CHERP: variants seen among roughly 807,000 people sequenced by gnomAD.
The protein encoded by CHERP is ERPROT 213-21.
In CHERP, 8 loss-of-function variants were observed where a neutral mutation model predicts 113.8. That is an observed-to-expected ratio of 0.07 (90% CI 0.04 to 0.13). The LOEUF (loss-of-function observed/expected upper bound fraction) is 0.13. Ranked by LOEUF, CHERP falls within the 10% of genes least tolerant of loss-of-function variation. The pLI, the probability that CHERP is intolerant of heterozygous loss-of-function variation, is 1.00. For synonymous variants in CHERP, 559 were observed against 524.5 expected, an observed-to-expected ratio of 1.07 and a Z score of -0.90; for missense variants, 884 against 1,298.2, an observed-to-expected ratio of 0.68 and a Z score of 4.90.
At chr19:16,533,805 GAA>G (rs954085178) in intron 3 of CHERP, among the ~76,000 whole-genome samples, 3 of 150,696 alleles carry the variant, frequency 2.0e-5, no homozygotes, top group Non-Finnish European at 3.0e-5. Flanking sequence ...AAAAAGAAAA[GAA>G]AAGAAAAAAA....
In CHERP at chr19:16,523,270, G is replaced by C; in HGVS notation, c.1762C>G (p.His588Asp). The C allele has an allele frequency of 6.2e-7, 1 of 1,602,588 alleles. No individual in the cohort carries two copies. Among genetic ancestry groups the C allele is most frequent in the Non-Finnish European group, 8.5e-7 (1 of 1,175,346 alleles). Residue 588 changes from histidine to aspartate, a missense_variant, in exon 11 of 17, where the codon CAC becomes GAC. Physicochemically the swap from His to Asp is moderately conservative, Grantham distance 81 (BLOSUM62 -1). Coordinates refer to ENST00000546361, the MANE Select transcript of CHERP (RefSeq NM_006387.6). This position sits in a 1 kb window ranked among gnomAD's most constrained non-coding sequence, Gnocchi z 4.0. The part of the protein sequence containing the change: ...FPAEMGPPHH[H>D]PGHRMPHPGI... ...GGATGAGGCATGCGGTGGCCAGGGT[G>C]GTGGTGAGGGGGCCCCATTTCTGCA... is the stretch of plus-strand genomic sequence containing the variant.
At position 16,519,759 on chromosome 19, in the gene CHERP, A is replaced by G. The variant is rs758462254; in HGVS notation, c.2463-44T>C. On this transcript the variant is annotated intron_variant, in intron 15 of 16. Transcript: ENST00000546361. The surrounding 1 kb of genome is among the most constrained non-coding windows in gnomAD (Gnocchi z 6.0). ...ATTCTTTTTAAGAAGTAACTGAGAC[A>G]TTTATTGGAATGACAGTGATGAGGA... 3.3e-6 allele frequency: 5 copies of G among 1,501,826 alleles called. No homozygotes were observed. The highest frequency in any genetic ancestry group is 1.4e-5 in the African/African-American group (1 of 72,590). The allele number at this position is 1,501,826 out of a possible 1,614,324, so 93.0% of individuals were successfully genotyped here. A position where few individuals can be genotyped will look rare whatever the true frequency, so the allele number is the denominator to read the frequency against.
rs1361777266 is a variant in CHERP, at chr19:16,535,010, G to C, written c.384+442C>G. ...AGAATCGTTTGAACTCGGGAGGTAG[G>C]GGCTGCAGTGAGCTGAGATCACGCC... On this transcript the variant is annotated intron_variant, in intron 3 of 16. Transcript: ENST00000546361. This position sits in a 1 kb window ranked among gnomAD's most constrained non-coding sequence, Gnocchi z 4.3. Among the ~76,000 whole-genome samples, 1 of 152,088 alleles carries C rather than the reference G, an allele frequency of 6.6e-6. No homozygotes were observed. Among genetic ancestry groups the C allele is most frequent in the Non-Finnish European group, 1.5e-5 (1 of 67,956 alleles).
At chr19:16,538,342 C>T (rs542694137) in intron 2 of CHERP, among the ~76,000 whole-genome samples, 167 of 152,286 alleles carry the variant, frequency 1.1e-3, no homozygotes, top group African/African-American at 3.8e-3. Context: ...TTTCACCTGG[C>T]CAACTCCAAC....
intron 1 of CHERP, 74 bp downstream of exon 1, chr19:16,542,280 C>G: frequency 7.6e-7 from 1 of 1,307,568 alleles, no homozygotes. Flanking sequence ...GACCCGGGGA[C>G]TCCGGGAGGC....
intron 3 of CHERP, among the ~76,000 whole-genome samples, chr19:16,533,471 A>G (rs1010439325): frequency 6.6e-6 from 1 of 152,138 alleles, no homozygotes; most frequent in Non-Finnish European, 1.5e-5. Context: ...TCAACAAAAA[A>G]CAAAGGCGGG....
In CHERP at chr19:16,530,010, G is replaced by T; in HGVS notation, c.877-110C>A. On this transcript the variant is annotated intron_variant, in intron 7 of 16. Transcript: ENST00000546361. The surrounding 1 kb of genome is among the most constrained non-coding windows in gnomAD (Gnocchi z 4.1). Reference sequence around the variant, plus strand: ...GCAGAGCCTGGGGGACCTGGGGCAGGTGGACAGGGAACCGTCACGTGAAAC... The same window carrying T: ...GCAGAGCCTGGGGGACCTGGGGCAGTTGGACAGGGAACCGTCACGTGAAAC... 1 of 1,405,670 alleles carries T rather than the reference G, an allele frequency of 7.1e-7. No individual in the cohort carries two copies. The highest frequency in any genetic ancestry group is 9.6e-7 in the Non-Finnish European group (1 of 1,045,394). The allele number at this position is 1,405,670 out of a possible 1,614,324, so 87.1% of individuals were successfully genotyped here.
intron 2 of CHERP, among the ~76,000 whole-genome samples, chr19:16,538,316 A>G (rs1474826759): frequency 6.6e-6 from 1 of 152,068 alleles, no homozygotes; most frequent in African/African-American, 2.4e-5. Flanking sequence ...TGCCCGGAAC[A>G]CTTTTCTCCC....
At position 16,535,078 on chromosome 19, in the gene CHERP, A is replaced by AT. The variant is rs1256271742; in HGVS notation, c.384+373_384+374insA. ...GCGACAGAACAAGACTTAAAAAAAAAAAAGGGTCCTTCCCCAACCAACAGC... is the reference window on the plus strand; with the variant it reads ...GCGACAGAACAAGACTTAAAAAAAAATAAAGGGTCCTTCCCCAACCAACAGC... On this transcript the variant is annotated intron_variant, in intron 3 of 16. Coordinates refer to ENST00000546361, the MANE Select transcript of CHERP (RefSeq NM_006387.6). The surrounding 1 kb of genome is among the most constrained non-coding windows in gnomAD (Gnocchi z 4.3). Among the ~76,000 whole-genome samples the AT allele has an allele frequency of 6.6e-6, 1 of 152,082 alleles. No homozygotes were observed. The highest frequency in any genetic ancestry group is 2.4e-5 in the African/African-American group (1 of 41,422).
At chr19:16,528,340 C>A in intron 8 of CHERP, 85 bp from the exon 9 acceptor site, 10 of 1,371,268 alleles carry the variant, frequency 7.3e-6, no homozygotes, top group Non-Finnish European at 9.9e-6. Context: ...GCAAACCAGG[C>A]TACCGCTTTT....
Position 16,523,101 on chromosome 19 carries a change from T to C in CHERP, c.1931A>G (p.Asn644Ser), listed in dbSNP as rs534828961. 4.4e-5 allele frequency: 68 copies of C among 1,538,726 alleles called. No homozygotes were observed. Among genetic ancestry groups the C allele is most frequent in the South Asian group, 2.0e-4 (16 of 81,038 alleles). Reference sequence around the variant, plus strand: ...AGCAGGGAGATCGAAGTAGGGCACATTGGGGACCAGGCTGGGGTCATCGTG... The same window carrying C: ...AGCAGGGAGATCGAAGTAGGGCACACTGGGGACCAGGCTGGGGTCATCGTG... ...INHDDPSLVP[N>S]VPYFDLPAGL... is the part of the protein sequence containing the mutation. Residue 644 changes from asparagine to serine, a missense_variant, in exon 11 of 17, where the codon AAT (asparagine) becomes AGT (serine). By Grantham distance (46) the Asn-to-Ser change is conservative. Transcript: ENST00000546361. The surrounding 1 kb of genome is among the most constrained non-coding windows in gnomAD (Gnocchi z 4.0).
chr19:16,525,807 C>T lies in CHERP; in HGVS notation c.1306-130G>A, dbSNP rs2085654199. ...CGCTGCCCTGGCCACGTTGAGGCGCCTCCTACGCTGACGCCTGCGAGGATG... is the reference window on the plus strand; with the variant it reads ...CGCTGCCCTGGCCACGTTGAGGCGCTTCCTACGCTGACGCCTGCGAGGATG... On this transcript the variant is annotated intron_variant, in intron 9 of 16. Coordinates refer to ENST00000546361, the MANE Select transcript of CHERP (RefSeq NM_006387.6). This position sits in a 1 kb window ranked among gnomAD's most constrained non-coding sequence, Gnocchi z 6.5. 2 of 807,790 alleles carry T rather than the reference C, an allele frequency of 2.5e-6. No homozygotes were observed. The highest frequency in any genetic ancestry group is 3.6e-6 in the Non-Finnish European group (2 of 551,292). The allele number at this position is 807,790 out of a possible 1,614,324, so 50.0% of individuals were successfully genotyped here.
intron 11 of CHERP, among the ~76,000 whole-genome samples, chr19:16,522,006 C>T (rs1215914644): frequency 6.6e-6 from 1 of 152,264 alleles, no homozygotes; most frequent in Non-Finnish European, 1.5e-5. Context: ...AATGCCTACC[C>T]TGGGCCCCCG....
In CHERP at chr19:16,535,363, A is replaced by C; in HGVS notation, c.384+89T>G. 7.1e-7 allele frequency: 1 copy of C among 1,412,998 alleles called. No homozygotes were observed. The highest frequency in any genetic ancestry group is 9.6e-7 in the Non-Finnish European group (1 of 1,037,154). 87.5% of individuals were successfully genotyped at this position (1,412,998 alleles called of 1,614,324 possible). On this transcript the variant is annotated intron_variant, in intron 3 of 16. Coordinates refer to ENST00000546361, the MANE Select transcript of CHERP (RefSeq NM_006387.6). The surrounding 1 kb of genome is among the most constrained non-coding windows in gnomAD (Gnocchi z 4.3). Reference sequence around the variant, plus strand: ...GGCAGGGGGGGCCCTGTCCTCACTGACACCTGTTATTCATTCTGATGAGCA... The same window carrying C: ...GGCAGGGGGGGCCCTGTCCTCACTGCCACCTGTTATTCATTCTGATGAGCA...
In CHERP at chr19:16,522,777, G is replaced by T. The variant is rs2085628536; in HGVS notation, c.1980+275C>A. Among the ~76,000 whole-genome samples, 3 of 152,186 alleles carry T rather than the reference G, an allele frequency of 2.0e-5. No individual in the cohort carries two copies. In the East Asian group the frequency reaches 5.8e-4, roughly 29 times the overall value. On this transcript the variant is annotated intron_variant, in intron 11 of 16. Coordinates refer to ENST00000546361, the MANE Select transcript of CHERP (RefSeq NM_006387.6). ...CCTGGACCAAGAAGGACGAAGAGAGGACTCGAGCCTCATAGCCTAGCTAGC... is the reference window on the plus strand; with the variant it reads ...CCTGGACCAAGAAGGACGAAGAGAGTACTCGAGCCTCATAGCCTAGCTAGC...
chr19:16,533,538 G>A (rs2085721238), intron 3 of CHERP, among the ~76,000 whole-genome samples: 1 of 152,160 alleles, frequency 6.6e-6, no homozygotes, highest in South Asian at 2.1e-4. Context: ...CGGGAGGATC[G>A]CTTGAGCCCA....
intron 9 of CHERP, among the ~76,000 whole-genome samples, chr19:16,527,770 G>T (rs1013114077): frequency 7.2e-5 from 11 of 152,164 alleles, no homozygotes; most frequent in African/African-American, 2.7e-4. Context: ...GTTTAAGGAG[G>T]ACAGGAAACA....
At chr19:16,533,468 A>C (rs2085720626) in intron 3 of CHERP, among the ~76,000 whole-genome samples, 1 of 152,138 alleles carries the variant, frequency 6.6e-6, no homozygotes, top group East Asian at 1.9e-4. Flanking sequence ...AACTCAACAA[A>C]AAACAAAGGC....
chr19:16,529,933 T>C (rs758712749), intron 7 of CHERP, 33 bp from the exon 8 acceptor site: 1 of 1,598,090 alleles, frequency 6.3e-7, no homozygotes, highest in African/African-American at 1.3e-5. Context: ...CTGCTCAGTA[T>C]GCGGCCTTGG....
Sources: allele counts gnomAD v4.1 joint callset (sites outside exome capture counted in the v4.1 genomes callset), GRCh38; gene constraint gnomAD v4.1.1; non-coding constraint Gnocchi (gnomAD v3.1); transcripts MANE v1.5; gene names NCBI Gene and HGNC (gene_info 2026-07-23, HGNC 2026-07-21).